The following NUB1 variants were observed in gnomAD, a reference collection of about 807,000 sequenced individuals.
NUB1 encodes negative regulator of ubiquitin like proteins 1, also known as NEDD8 ultimate buster 1.
A neutral mutation model predicts 77.1 loss-of-function variants in NUB1; 41 were observed. The observed-to-expected ratio is 0.53, with a 90% CI of 0.41 to 0.69. The LOEUF (loss-of-function observed/expected upper bound fraction) is 0.69, where lower values mean the gene tolerates loss of function less well. Ranked by LOEUF, NUB1 falls within the 30% of genes least tolerant of loss-of-function variation. The probability of loss-of-function intolerance (pLI) is 0.00; values close to 1 mark genes in which losing one functional copy is unlikely to be tolerated. For synonymous variants in NUB1, 257 were observed against 281.0 expected, an observed-to-expected ratio of 0.91 and a Z score of 0.85; for missense variants, 643 against 743.8, an observed-to-expected ratio of 0.86 and a Z score of 1.58.
At chr7:151,347,924 GATGTT>G (rs1195405180) in intron 2 of NUB1, among the ~76,000 whole-genome samples, 2 of 152,130 alleles carry the variant, frequency 1.3e-5, no homozygotes, top group Non-Finnish European at 1.5e-5. Context: ...TGTTTTATGA[GATGTT>G]TAATGAAACA....
intron 8 of NUB1, among the ~76,000 whole-genome samples, chr7:151,361,548 T>C (rs1333983281): frequency 6.6e-6 from 1 of 152,242 alleles, no homozygotes; most frequent in Admixed American, 6.5e-5. Context: ...TGCAGACATA[T>C]TCAACATTTG....
rs1798189052 is a variant in NUB1, at chr7:151,375,792, T to C, written c.1396-56T>C. 1.4e-5 allele frequency: 17 copies of C among 1,179,878 alleles called. No individual in the cohort carries two copies. The South Asian group carries it at 2.1e-4, about 14-fold the overall frequency. The allele number at this position is 1,179,878 out of a possible 1,614,324, so 73.1% of individuals were successfully genotyped here. A position where few individuals can be genotyped will look rare whatever the true frequency, so the allele number is the denominator to read the frequency against. ...AGCACATGGCAGGGTGCAGCGCCTG[T>C]CTGAATGTGTGAAGAGTTCTTAGTG... is the stretch of plus-strand genomic sequence containing the variant. On this transcript the variant is annotated intron_variant, in intron 12 of 14. Coordinates refer to ENST00000568733, the MANE Select transcript of NUB1 (RefSeq NM_001243351.2).
intron 8 of NUB1, 80 bp downstream of exon 8, chr7:151,360,327 A>C: frequency 1.5e-6 from 1 of 670,036 alleles, no homozygotes. Context: ...CATGCCCTTG[A>C]GACTGCAGAC....
intron 8 of NUB1, among the ~76,000 whole-genome samples, chr7:151,362,603 G>A (rs887930915): frequency 4.6e-5 from 7 of 152,194 alleles, no homozygotes; most frequent in African/African-American, 1.2e-4. Flanking sequence ...CTCAGTGTCT[G>A]GAGAAGTTTC....
rs888765155 is a variant in NUB1 at position 151,378,069 on chromosome 7, TTTG to T, written c.*859_*861del. ...TTCTCCAGGTTTTTTGTGGGTTTTCTTTGTTGTTGTTGTTGTTCTAGCCATGTG... is the reference window on the plus strand; with the variant it reads ...TTCTCCAGGTTTTTTGTGGGTTTTCTTTGTTGTTGTTGTTCTAGCCATGTG... On this transcript the variant is annotated 3_prime_UTR_variant, in exon 15 of 15. Transcript: ENST00000568733. 9.8e-5 allele frequency: 15 copies of T among 152,332 alleles called. No homozygotes were observed. Among genetic ancestry groups the T allele is most frequent in the East Asian group, 1.9e-4 (1 of 5,194 alleles). The allele number at this position is 152,332 out of a possible 1,614,324, so 9.4% of individuals were successfully genotyped here.
chr7:151,366,784 C>G (rs1563025027), intron 8 of NUB1, among the ~76,000 whole-genome samples, 155 bp from the exon 9 acceptor site: 1 of 152,200 alleles, frequency 6.6e-6, no homozygotes, highest in South Asian at 2.1e-4. Context: ...ACACAGCTCC[C>G]TTCCTAAACA....
At chr7:151,348,591 T>TTTTTTTTTTTTTTTTTTTTC (rs1796625005) in intron 2 of NUB1, among the ~76,000 whole-genome samples, 1 of 112,418 alleles carries the variant, frequency 8.9e-6, no homozygotes, top group African/African-American at 3.6e-5. Context: ...TTTTTTTTTT[T>TTTTTTTTTTTTTTTTTTTTC]TTGAGGCGGA....
chr7:151,364,687 G>A (rs1242191692), intron 8 of NUB1, among the ~76,000 whole-genome samples: 1 of 151,790 alleles, frequency 6.6e-6, no homozygotes, highest in East Asian at 2.0e-4. Context: ...ATCATGCCCC[G>A]CTAATTTTTG....
chr7:151,346,950 C>T (rs1294156272), intron 2 of NUB1, among the ~76,000 whole-genome samples: 2 of 152,018 alleles, frequency 1.3e-5, no homozygotes, highest in Admixed American at 6.5e-5. Flanking sequence ...TTTTTGTGGG[C>T]TGAGCCCTTA....
In NUB1 at chr7:151,349,164, G is replaced by A. The variant is rs761551992; in HGVS notation, c.209G>A (p.Arg70His). Residue 70 changes from arginine to histidine, a missense_variant, in exon 3 of 15, where the codon CGT becomes CAT. Physicochemically the swap from Arg to His is conservative, Grantham distance 29. Transcript: ENST00000568733. ...GAAATACGTTGCAAGGCAATTGAGC[G>A]TGGAACAGGAAATGACAATTATAGA... ...IEEIRCKAIE[R>H]GTGNDNYRTT... is the part of the protein sequence containing the mutation. 4.3e-6 allele frequency: 7 copies of A among 1,613,640 alleles called. No individual in the cohort carries two copies. The highest frequency in any genetic ancestry group is 5.1e-6 in the Non-Finnish European group (6 of 1,179,772).
intron 11 of NUB1, 41 bp from the exon 12 acceptor site, chr7:151,374,056 C>T (rs1563030691): frequency 1.8e-5 from 27 of 1,524,076 alleles, no homozygotes; most frequent in Non-Finnish European, 2.2e-5. Context: ...TGTGAAATCT[C>T]AGTCCCTAAC....
chr7:151,369,379 G>A (rs1234264157), intron 11 of NUB1, among the ~76,000 whole-genome samples: 1 of 152,110 alleles, frequency 6.6e-6, no homozygotes, highest in Non-Finnish European at 1.5e-5. Context: ...CTGCTGTGGT[G>A]GCAAACGGTC....
Position 151,355,802 on chromosome 7 carries a change from T to TG in NUB1, c.451dup (p.Val151GlyfsTer7), listed in dbSNP as rs1797036138. On this transcript the variant is annotated frameshift_variant, in exon 6 of 15. Coordinates refer to ENST00000568733, the MANE Select transcript of NUB1 (RefSeq NM_001243351.2). LOFTEE classifies it high-confidence loss of function. ...TTGAAGAACAAGGCGTGGCTCACAATGTGAAAGCGATGGTGCTTGAACTAA... is the reference window on the plus strand; with the variant it reads ...TTGAAGAACAAGGCGTGGCTCACAATGGTGAAAGCGATGGTGCTTGAACTAA... The TG allele has an allele frequency of 1.9e-6, 3 of 1,606,450 alleles. No homozygotes were observed. Among genetic ancestry groups the TG allele is most frequent in the Non-Finnish European group, 2.6e-6 (3 of 1,176,296 alleles).
intron 13 of NUB1, 30 bp from the exon 14 acceptor site, chr7:151,376,604 T>C (rs369981478): frequency 1.6e-5 from 25 of 1,570,926 alleles, no homozygotes; most frequent in Non-Finnish European, 2.1e-5. Context: ...CGCCAGGGGC[T>C]GATGCTGTGA....
intron 7 of NUB1, among the ~76,000 whole-genome samples, chr7:151,358,189 G>A (rs915427352): frequency 1.3e-5 from 2 of 149,996 alleles, no homozygotes; most frequent in African/African-American, 4.9e-5. Context: ...TGGCCAGATG[G>A]TCTCAATCTC....
In NUB1 at chr7:151,349,051, A is replaced by C. The variant is rs1796661688; in HGVS notation, c.118-22A>C. ...CTTTTTTTTTTTAAGTCAGTATTGC[A>C]TTTTCTGATTTTTCTTGATAGGACC... is the stretch of plus-strand genomic sequence containing the variant. On this transcript the variant is annotated intron_variant, in intron 2 of 14. Transcript: ENST00000568733. 2.5e-6 allele frequency: 4 copies of C among 1,589,458 alleles called. No individual in the cohort carries two copies. The East Asian group carries it at 6.7e-5, about 27-fold the overall frequency.
At chr7:151,366,651 T>C (rs1485208596) in intron 8 of NUB1, among the ~76,000 whole-genome samples, 1 of 152,206 alleles carries the variant, frequency 6.6e-6, no homozygotes. Flanking sequence ...ACAGTGGCCC[T>C]GGGTTCTGCT....
chr7:151,357,220 C>A (rs1368802195), intron 7 of NUB1, among the ~76,000 whole-genome samples: 1 of 144,268 alleles, frequency 6.9e-6, no homozygotes, highest in African/African-American at 2.6e-5. Flanking sequence ...GAGTCTCGCT[C>A]TGTTGCCATT....
At position 151,377,484 on chromosome 7, in the gene NUB1, G is replaced by A. The variant is rs776062115; in HGVS notation, c.*259G>A. ...TCCCTAACCCCTTCCCCAGCTTGGT[G>A]TTTTACCCCGAAACAGGAAGGAACA... On this transcript the variant is annotated 3_prime_UTR_variant, in exon 15 of 15. Transcript: ENST00000568733. 5 of 277,150 alleles carry A rather than the reference G, an allele frequency of 1.8e-5. No individual in the cohort carries two copies. Among genetic ancestry groups the A allele is most frequent in the Non-Finnish European group, 2.7e-5 (4 of 147,882 alleles). 17.2% of individuals were successfully genotyped at this position (277,150 alleles called of 1,614,324 possible). A position where few individuals can be genotyped will look rare whatever the true frequency, so the allele number is the denominator to read the frequency against.
Sources: gnomAD v4.1 joint callset for allele counts (sites outside exome capture counted in the v4.1 genomes callset) on GRCh38, gnomAD v4.1.1 for gene constraint, MANE v1.5 for transcripts, NCBI Gene and HGNC (gene_info 2026-07-23, HGNC 2026-07-21) for gene names.